The following ADGRL2 variants were observed in gnomAD, a reference collection of about 807,000 sequenced individuals.
ADGRL2 encodes calcium-independent alpha-latrotoxin receptor 2.
Under a neutral mutation model 157.4 loss-of-function variants are expected in ADGRL2, and 44 were observed. The ratio of observed to expected loss-of-function variants is 0.28; its 90% CI spans 0.22 to 0.36. The LOEUF (loss-of-function observed/expected upper bound fraction) is 0.36. ADGRL2 is among the 10% of genes least tolerant of loss of function. The pLI is 1.00. For synonymous variants in ADGRL2, 585 were observed against 624.7 expected (o/e 0.94, Z 0.95); for missense variants, 1,510 against 1,768.9 (o/e 0.85, Z 2.63).
intron 1 of ADGRL2, among the ~76,000 whole-genome samples, chr1:81,710,255 G>T (rs2083879849): frequency 6.6e-6 from 1 of 152,088 alleles, no homozygotes. Context: ...GATGAACAGT[G>T]CTGCCTTTCT....
rs371474665 is a variant in ADGRL2 at position 81,866,283 on chromosome 1, T to C, written c.73+29226T>C. Among the ~76,000 whole-genome samples, 11 of 152,294 alleles carry C rather than the reference T, an allele frequency of 7.2e-5. No homozygotes were observed. The East Asian group carries it at 1.5e-3, about 21-fold the overall frequency. ...AGAGAGGCTTTTCATAGCCATTATA[T>C]GGAAAGCACCTCCCAATTACATCAT... On this transcript the variant is annotated intron_variant, in intron 2 of 23. Transcript: ENST00000686636.
chr1:81,710,771 CA>C (rs1255765234), intron 1 of ADGRL2, among the ~76,000 whole-genome samples: 4 of 148,286 alleles, frequency 2.7e-5, no homozygotes, highest in South Asian at 2.2e-4. Context: ...ATACTAGATG[CA>C]AAAAAAGGAA....
chr1:81,337,475 G>A (rs1222729781), intron 1 of ADGRL2, among the ~76,000 whole-genome samples: 1 of 152,108 alleles, frequency 6.6e-6, no homozygotes, highest in Non-Finnish European at 1.5e-5. Flanking sequence ...GCTGTGGGCT[G>A]AGTAAACAAG....
chr1:81,574,840 C>T (rs1263747445), intron 2 of ADGRL2, among the ~76,000 whole-genome samples: 3 of 152,114 alleles, frequency 2.0e-5, no homozygotes, highest in Non-Finnish European at 2.9e-5. Flanking sequence ...AAATAAATGC[C>T]ATTTAGCGAA....
intron 2 of ADGRL2, among the ~76,000 whole-genome samples, chr1:81,768,197 C>T (rs1300687684): frequency 2.0e-5 from 3 of 151,924 alleles, no homozygotes; most frequent in African/African-American, 4.8e-5. Flanking sequence ...AGACTCGTAC[C>T]ACCACAACCA....
At chr1:81,780,687 C>T (rs368479356) in intron 2 of ADGRL2, among the ~76,000 whole-genome samples, 3 of 151,982 alleles carry the variant, frequency 2.0e-5, no homozygotes, top group South Asian at 2.1e-4. Flanking sequence ...TGAGATAATA[C>T]GTATATAATA....
chr1:81,569,323 G>C (rs2080633714), intron 2 of ADGRL2, among the ~76,000 whole-genome samples: 1 of 152,134 alleles, frequency 6.6e-6, no homozygotes, highest in Admixed American at 6.6e-5. Context: ...CACACATCTA[G>C]CAAGTGGTAG....
chr1:81,586,115 T>C (rs368136904), intron 3 of ADGRL2: 1 of 152,110 alleles, frequency 6.6e-6, no homozygotes, highest in South Asian at 2.1e-4. Context: ...CATTACAGAT[T>C]ATTATTAATG....
Position 81,849,008 on chromosome 1 carries a change from C to A in ADGRL2, c.73+11951C>A, listed in dbSNP as rs950896147. On this transcript the variant is annotated intron_variant, in intron 2 of 23. Coordinates refer to ENST00000686636, the MANE Select transcript of ADGRL2 (RefSeq NM_001366006.2). The stretch of plus-strand genomic sequence containing the variant: ...CTTACAACAGGAAGCTCGTTTAATC[C>A]TTTGCTTTGTTTTAGAGGTAAGCAA... Among the ~76,000 whole-genome samples the A allele has an allele frequency of 3.3e-5, 5 of 151,912 alleles. No homozygotes were observed. The South Asian group carries it at 1.0e-3, about 31-fold the overall frequency.
chr1:81,430,050 C>T (rs1473567245), intron 1 of ADGRL2, among the ~76,000 whole-genome samples: 5 of 152,112 alleles, frequency 3.3e-5, no homozygotes, highest in East Asian at 1.9e-4. Flanking sequence ...TGCACCGCCA[C>T]GCCTGGCTTA....
chr1:81,466,678 C>T (rs7552789), intron 2 of ADGRL2, among the ~76,000 whole-genome samples: 6,398 of 59,174 alleles, frequency 0.11, 196 homozygotes, highest in Non-Finnish European at 0.17. Context: ...CTCACGCGCG[C>T]GCACACACAC....
intron 23 of ADGRL2, 184 bp from the exon 24 acceptor site, chr1:81,990,207 C>T (rs1664313449): frequency 3.0e-6 from 3 of 985,088 alleles, no homozygotes; most frequent in Non-Finnish European, 3.6e-6. Context: ...AACACTTTTT[C>T]CTGTTATCTA....
At chr1:81,410,903 T>C (rs2076935055) in intron 1 of ADGRL2, among the ~76,000 whole-genome samples, 2 of 152,212 alleles carry the variant, frequency 1.3e-5, no homozygotes, top group Admixed American at 1.3e-4. Context: ...TTAAAGCGTA[T>C]ATTAAGTGTA....
chr1:81,966,749 A>G lies in ADGRL2; in HGVS notation c.2349+140A>G, dbSNP rs1300774420. ...ACAAGACCTTTCCATTTGAATTTTA[A>G]ATGTTGGACTAGGTCAGAGACACAA... On this transcript the variant is annotated intron_variant, in intron 13 of 23. Coordinates refer to ENST00000686636, the MANE Select transcript of ADGRL2 (RefSeq NM_001366006.2). 3 of 713,774 alleles carry G rather than the reference A, an allele frequency of 4.2e-6. No individual in the cohort carries two copies. The African/African-American group carries it at 5.3e-5, about 13-fold the overall frequency. 44.2% of individuals were successfully genotyped at this position (713,774 alleles called of 1,614,324 possible).
chr1:81,326,909 G>T (rs958496715), intron 1 of ADGRL2, among the ~76,000 whole-genome samples: 1 of 152,158 alleles, frequency 6.6e-6, no homozygotes, highest in African/African-American at 2.4e-5. Flanking sequence ...TCTAGAGGTA[G>T]CTTAATTTTC....
At chr1:81,416,577 A>C (rs2077038413) in intron 1 of ADGRL2, among the ~76,000 whole-genome samples, 1 of 152,190 alleles carries the variant, frequency 6.6e-6, no homozygotes, top group Non-Finnish European at 1.5e-5. Context: ...TCCTATTTTA[A>C]CGTTCACATT....
At chr1:81,847,123 T>C (rs556648557) in intron 2 of ADGRL2, among the ~76,000 whole-genome samples, 10 of 151,858 alleles carry the variant, frequency 6.6e-5, no homozygotes, top group African/African-American at 2.4e-4. Flanking sequence ...AAGTAAAGAA[T>C]GTGTATTAGG....
intron 2 of ADGRL2, among the ~76,000 whole-genome samples, chr1:81,880,374 C>A (rs2093953891): frequency 6.6e-6 from 1 of 152,100 alleles, no homozygotes; most frequent in African/African-American, 2.4e-5. Flanking sequence ...TCTTTCTTAA[C>A]TGAGAGTTTT....
At chr1:81,753,088 G>A (rs1010022548) in intron 1 of ADGRL2, among the ~76,000 whole-genome samples, 1 of 152,170 alleles carries the variant, frequency 6.6e-6, no homozygotes, top group Admixed American at 6.5e-5. Context: ...AGACATCGCT[G>A]TATCTATTCA....
Sources: gnomAD v4.1 joint callset for allele counts (sites outside exome capture counted in the v4.1 genomes callset) on GRCh38, gnomAD v4.1.1 for gene constraint, MANE v1.5 for transcripts, NCBI Gene and HGNC (gene_info 2026-07-23, HGNC 2026-07-21) for gene names.